LCORL: variants seen among roughly 807,000 people sequenced by gnomAD.
LCORL encodes ligand-dependent nuclear receptor corepressor-like protein.
A neutral mutation model predicts 141.8 loss-of-function variants in LCORL; 41 were observed. The observed-to-expected ratio is 0.29, with a 90% CI of 0.23 to 0.38. LCORL has a LOEUF of 0.38. Ranked by LOEUF, LCORL falls within the 10% of genes least tolerant of loss-of-function variation. LCORL has a pLI of 1.00. For synonymous variants in LCORL, 618 were observed against 694.1 expected (o/e 0.89, Z 1.72); for missense variants, 1,759 against 2,035.0 (o/e 0.86, Z 2.61).
At chr4:18,004,516 C>A (rs1289816101) in intron 1 of LCORL, among the ~76,000 whole-genome samples, 1 of 152,118 alleles carries the variant, frequency 6.6e-6, no homozygotes, top group South Asian at 2.1e-4. Context: ...GCAGGAAAGA[C>A]CCACTCCCAT....
At chr4:18,005,156 C>T (rs1164301828) in intron 1 of LCORL, among the ~76,000 whole-genome samples, 5 of 152,072 alleles carry the variant, frequency 3.3e-5, no homozygotes, top group Non-Finnish European at 4.4e-5. Flanking sequence ...TGACCTCAGG[C>T]GATCCACCCG....
At chr4:17,981,033 C>T (rs968117388) in intron 1 of LCORL, among the ~76,000 whole-genome samples, 4 of 152,098 alleles carry the variant, frequency 2.6e-5, no homozygotes, top group Admixed American at 2.6e-4. Flanking sequence ...TTCCAAAGAC[C>T]AAAATTCATA....
At chr4:18,008,336 G>A (rs7671873) in intron 1 of LCORL, among the ~76,000 whole-genome samples, 5,144 of 152,150 alleles carry the variant, frequency 0.034, 127 homozygotes, top group African/African-American at 0.066. Flanking sequence ...CAGAAGTCCC[G>A]GTTCTCTCTC....
In LCORL at chr4:17,884,721, C is replaced by T; in HGVS notation, c.776+1347G>A. The T allele has an allele frequency of 6.7e-7, 1 of 1,492,510 alleles. No homozygotes were observed. 92.5% of individuals were successfully genotyped at this position (1,492,510 alleles called of 1,614,324 possible). A position where few individuals can be genotyped will look rare whatever the true frequency, so the allele number is the denominator to read the frequency against. On this transcript the variant is annotated intron_variant, in intron 6 of 7. Transcript: ENST00000635767. The surrounding 1 kb of genome is among the most constrained non-coding windows in gnomAD (Gnocchi z 4.4). Reference sequence around the variant, plus strand: ...CCATCTGCAAACTCAGCACTTCTTTCCACATAGTCCTCTCTGTTTCTGTGT... The same window carrying T: ...CCATCTGCAAACTCAGCACTTCTTTTCACATAGTCCTCTCTGTTTCTGTGT...
At chr4:17,874,070 A>C in exon 7 of LCORL, 2 of 1,233,608 alleles carry the variant, frequency 1.6e-6, no homozygotes, top group South Asian at 4.1e-5. Flanking sequence ...TTTCTCCCTC[A>C]GTCTTATTTA....
At position 18,021,716 on chromosome 4, in the gene LCORL, G is replaced by A; in HGVS notation, c.36C>T (p.Ala12=). 10 of 1,526,282 alleles carry A rather than the reference G, an allele frequency of 6.6e-6. No homozygotes were observed. Among genetic ancestry groups the A allele is most frequent in the East Asian group, 2.5e-5 (1 of 39,880 alleles). 94.5% of individuals were successfully genotyped at this position (1,526,282 alleles called of 1,614,324 possible). A position where few individuals can be genotyped will look rare whatever the true frequency, so the allele number is the denominator to read the frequency against. Residue 12 remains alanine, a synonymous_variant, in exon 1 of 8, where the codon GCC becomes GCT. Coordinates refer to ENST00000635767, the Ensembl canonical transcript of LCORL. The surrounding 1 kb of genome is among the most constrained non-coding windows in gnomAD (Gnocchi z 5.5). ...CGGCGGCGGCGGCGGCAGCAGCGGC[G>A]GCGGCAGCGGCCATTCTCTCTCTTC... is the stretch of plus-strand genomic sequence containing the variant.
chr4:17,927,695 C>T (rs1040527338), intron 4 of LCORL, among the ~76,000 whole-genome samples: 1 of 152,160 alleles, frequency 6.6e-6, no homozygotes, highest in African/African-American at 2.4e-5. Flanking sequence ...GTCAGTGGAA[C>T]TGTCAGAACA....
intron 5 of LCORL, among the ~76,000 whole-genome samples, chr4:17,891,225 A>C (rs1729023499): frequency 6.6e-6 from 1 of 152,116 alleles, no homozygotes; most frequent in African/African-American, 2.4e-5. Context: ...TAATGTGCAA[A>C]TTTTGATAAT....
At chr4:17,890,170 A>G (rs992279549) in intron 5 of LCORL, among the ~76,000 whole-genome samples, 1 of 152,134 alleles carries the variant, frequency 6.6e-6, no homozygotes, top group Admixed American at 6.6e-5. Context: ...ATGTACAATA[A>G]TTCTCTAAGA....
intron 1 of LCORL, among the ~76,000 whole-genome samples, chr4:17,979,920 G>T (rs1239828605): frequency 6.6e-6 from 1 of 152,172 alleles, no homozygotes; most frequent in Non-Finnish European, 1.5e-5. Flanking sequence ...GAAAAAGAGA[G>T]ATGAAATTGT....
intron 1 of LCORL, among the ~76,000 whole-genome samples, chr4:18,007,848 A>G (rs1464625750): frequency 6.6e-6 from 1 of 152,186 alleles, no homozygotes; most frequent in Non-Finnish European, 1.5e-5. Context: ...GCTAATATGT[A>G]CTCATAGGCA....
intron 4 of LCORL, among the ~76,000 whole-genome samples, chr4:17,940,528 CTT>C (rs1407584011): frequency 1.7e-5 from 2 of 118,450 alleles, no homozygotes; most frequent in East Asian, 5.0e-4. Flanking sequence ...ATATATGCCT[CTT>C]TTAATGCATT....
chr4:17,868,215 T>C (rs1320545155), intron 7 of LCORL, among the ~76,000 whole-genome samples: 3 of 152,160 alleles, frequency 2.0e-5, no homozygotes, highest in Non-Finnish European at 4.4e-5. Context: ...AAATCAGCCA[T>C]CAGTTACAAA....
At chr4:17,858,351 C>T (rs1488993911) in intron 7 of LCORL, among the ~76,000 whole-genome samples, 3 of 151,456 alleles carry the variant, frequency 2.0e-5, no homozygotes, top group Non-Finnish European at 4.4e-5. Context: ...AAAAGTGAAT[C>T]GCGTATCAGT....
intron 1 of LCORL, among the ~76,000 whole-genome samples, chr4:17,982,144 G>GTGTGTA (rs1491083113): frequency 1.5e-5 from 2 of 136,680 alleles, no homozygotes; most frequent in Non-Finnish European, 3.3e-5. Flanking sequence ...GTGTGTGTGT[G>GTGTGTA]TATACAAGAT....
At chr4:17,993,182 G>A (rs1243375830) in intron 1 of LCORL, among the ~76,000 whole-genome samples, 1 of 152,098 alleles carries the variant, frequency 6.6e-6, no homozygotes, top group Non-Finnish European at 1.5e-5. Flanking sequence ...CAATACAGTA[G>A]CTGAGAATAT....
chr4:17,883,796 C>A, intron 6 of LCORL: 1 of 1,550,542 alleles, frequency 6.4e-7, no homozygotes, highest in South Asian at 1.2e-5. Context: ...GTCTGGTAAT[C>A]GTAGTTTCTT....
chr4:17,954,458 T>G, intron 4 of LCORL, among the ~76,000 whole-genome samples: 1 of 152,290 alleles, frequency 6.6e-6, no homozygotes. Flanking sequence ...CCAGACCACA[T>G]AGAGTCCTTG....
chr4:17,884,221 C>T lies in LCORL; in HGVS notation c.776+1847G>A, dbSNP rs985548800. The T allele has an allele frequency of 5.8e-6, 9 of 1,549,864 alleles. No homozygotes were observed. The East Asian group carries it at 2.0e-4, about 34-fold the overall frequency. On this transcript the variant is annotated intron_variant, in intron 6 of 7. Coordinates refer to ENST00000635767, the Ensembl canonical transcript of LCORL. The surrounding 1 kb of genome is among the most constrained non-coding windows in gnomAD (Gnocchi z 4.4). Reference sequence around the variant, plus strand: ...CTGAAGAGGTTTTGGAAACTTGATACATAACATCCAACAGACCAGAACCAT... The same window carrying T: ...CTGAAGAGGTTTTGGAAACTTGATATATAACATCCAACAGACCAGAACCAT...
Sources: gnomAD v4.1 joint callset for allele counts (sites outside exome capture counted in the v4.1 genomes callset) on GRCh38, gnomAD v4.1.1 for gene constraint, Gnocchi (gnomAD v3.1) non-coding constraint, MANE v1.5 for transcripts, NCBI Gene and HGNC (gene_info 2026-07-23, HGNC 2026-07-21) for gene names.